Variants in MAD1L1 observed in about 807,000 individuals in gnomAD.
MAD1L1 encodes the protein mitotic arrest deficient 1 like 1, also known as mitotic spindle assembly checkpoint protein MAD1.
A neutral mutation model predicts 96.9 loss-of-function variants in MAD1L1; 95 were observed. That is an observed-to-expected ratio of 0.98 (90% CI 0.83 to 1.16). The LOEUF is 1.16. Ranked by LOEUF, MAD1L1 falls within the 50% of genes most tolerant of loss-of-function variation. The probability of loss-of-function intolerance (pLI) is 0.00; values close to 1 mark genes in which losing one functional copy is unlikely to be tolerated. For synonymous variants in MAD1L1, 473 were observed against 396.6 expected (o/e 1.19, Z -2.29); for missense variants, 1,007 against 954.4 (o/e 1.06, Z -0.73).
intron 11 of MAD1L1, among the ~76,000 whole-genome samples, chr7:2,085,747 T>A (rs574440900): frequency 1.2e-4 from 18 of 152,340 alleles, no homozygotes; most frequent in Admixed American, 7.2e-4. Flanking sequence ...TGGCCCCATC[T>A]CTTGGCTACT....
At chr7:2,096,133 C>T (rs1234135163) in intron 11 of MAD1L1, among the ~76,000 whole-genome samples, 3 of 152,346 alleles carry the variant, frequency 2.0e-5, no homozygotes, top group East Asian at 3.9e-4. Flanking sequence ...GAGCACACGA[C>T]GCCACACAGG....
Position 2,156,155 on chromosome 7 carries a change from AG to A in MAD1L1, c.987-6918del. 2.1e-5 allele frequency among the ~76,000 whole-genome samples: 3 copies of A among 146,302 alleles called. No homozygotes were observed. In the South Asian group the frequency reaches 6.4e-4, roughly 31 times the overall value. On this transcript the variant is annotated intron_variant, in intron 10 of 18. Coordinates refer to ENST00000265854, the MANE Select transcript of MAD1L1 (RefSeq NM_001013836.2). ...GCACGGTTTCACGGCGGGTGTGGCGAGGGGAGCGGGCGCACGGTTTCACGGC... is the reference window on the plus strand; with the variant it reads ...GCACGGTTTCACGGCGGGTGTGGCGAGGGAGCGGGCGCACGGTTTCACGGC...
intron 18 of MAD1L1, among the ~76,000 whole-genome samples, chr7:1,835,251 G>A (rs956115746): frequency 6.6e-6 from 1 of 152,180 alleles, no homozygotes; most frequent in East Asian, 1.9e-4. Context: ...CCTCAGATCT[G>A]AAACAGGACA....
chr7:1,816,079 G>A lies in MAD1L1; in HGVS notation c.2148C>T (p.Thr716=), dbSNP rs774776172. 8.7e-5 allele frequency: 140 copies of A among 1,610,280 alleles called. No homozygotes were observed. Among genetic ancestry groups the A allele is most frequent in the Non-Finnish European group, 1.1e-4 (131 of 1,178,542 alleles). ...SLTLELFSRQ[T]VA is the part of the protein sequence containing the mutation. Reference sequence around the variant, plus strand: ...CCCCCGAGCCTGCAGGCTACGCCACGGTCTGGCGGCTGAAGAGCTCGAGGG... The same window carrying A: ...CCCCCGAGCCTGCAGGCTACGCCACAGTCTGGCGGCTGAAGAGCTCGAGGG... The change falls in exon 19 of 19, where the codon ACC becomes ACT. Residue 716 remains threonine, a synonymous_variant. Coordinates refer to ENST00000265854, the MANE Select transcript of MAD1L1 (RefSeq NM_001013836.2).
intron 17 of MAD1L1, among the ~76,000 whole-genome samples, chr7:1,935,431 A>C: frequency 6.6e-6 from 1 of 151,884 alleles, no homozygotes; most frequent in African/African-American, 2.4e-5. Flanking sequence ...ACCCCACCAT[A>C]CTACTCCAGG....
chr7:1,821,477 C>G (rs187687721), intron 18 of MAD1L1, among the ~76,000 whole-genome samples: 2 of 152,046 alleles, frequency 1.3e-5, no homozygotes, highest in African/African-American at 2.4e-5. Context: ...AAGGATGGTG[C>G]GCACACAAAG....
At chr7:1,883,665 C>G (rs936788060) in intron 18 of MAD1L1, among the ~76,000 whole-genome samples, 1 of 152,226 alleles carries the variant, frequency 6.6e-6, no homozygotes, top group Non-Finnish European at 1.5e-5. Context: ...AAAGAGGGTA[C>G]CGTGGCTGGG....
chr7:2,230,201 T>C (rs1455499821), intron 2 of MAD1L1, 58 bp from the exon 3 acceptor site: 3 of 1,450,614 alleles, frequency 2.1e-6, no homozygotes, highest in Non-Finnish European at 2.8e-6. Flanking sequence ...CCATCAGCCG[T>C]GCAGTCAGCA....
intron 18 of MAD1L1, among the ~76,000 whole-genome samples, chr7:1,852,952 C>G (rs1230081176): frequency 1.3e-5 from 2 of 152,222 alleles, no homozygotes; most frequent in Non-Finnish European, 2.9e-5. Flanking sequence ...ACGTGCTCCT[C>G]TAGCACGCAC....
chr7:2,229,577 G>C (rs1225333716), intron 3 of MAD1L1, among the ~76,000 whole-genome samples: 1 of 152,204 alleles, frequency 6.6e-6, no homozygotes, highest in Non-Finnish European at 1.5e-5. Flanking sequence ...TTTGTCTCTG[G>C]GCTGCCCAGG....
At chr7:2,075,990 G>T (rs568694378) in intron 11 of MAD1L1, among the ~76,000 whole-genome samples, 1 of 152,222 alleles carries the variant, frequency 6.6e-6, no homozygotes, top group Non-Finnish European at 1.5e-5. Context: ...TGGCCACCGC[G>T]GGAGACAGGC....
intron 11 of MAD1L1, among the ~76,000 whole-genome samples, chr7:2,093,019 C>G (rs894941477): frequency 2.0e-5 from 3 of 151,348 alleles, no homozygotes; most frequent in Non-Finnish European, 4.4e-5. Flanking sequence ...GGGTGGATCA[C>G]GAGGTCAGGA....
intron 18 of MAD1L1, among the ~76,000 whole-genome samples, chr7:1,842,528 G>C (rs1783327022): frequency 6.6e-6 from 1 of 152,274 alleles, no homozygotes; most frequent in African/African-American, 2.4e-5. Context: ...CTGCCACAAT[G>C]CCGCGTGCTC....
At chr7:1,916,944 G>A (rs532770272) in intron 17 of MAD1L1, among the ~76,000 whole-genome samples, 1 of 152,296 alleles carries the variant, frequency 6.6e-6, no homozygotes, top group African/African-American at 2.4e-5. Flanking sequence ...CCATGCCAAC[G>A]AGAACCGAGG....
chr7:2,139,986 A>ACCC (rs1562723081), intron 11 of MAD1L1, among the ~76,000 whole-genome samples: 1 of 138,928 alleles, frequency 7.2e-6, no homozygotes, highest in Non-Finnish European at 1.5e-5. Flanking sequence ...TACTATCTGG[A>ACCC]CCCCGCCCCC....
At position 1,901,702 on chromosome 7, in the gene MAD1L1, C is replaced by T. The variant is rs930219833; in HGVS notation, c.1808-3312G>A. On this transcript the variant is annotated intron_variant, in intron 17 of 18. Transcript: ENST00000265854. ...CTCACCAAGGCTTTTAGGCCCTCTC[C>T]GCTGACCTCCAGGGCTACCCCAGGC... Among the ~76,000 whole-genome samples, 74 of 152,314 alleles carry T rather than the reference C, an allele frequency of 4.9e-4. 1 individual carries two copies. Among genetic ancestry groups the T allele is most frequent in the Admixed American group, 4.1e-3 (63 of 15,310 alleles).
At chr7:1,908,126 A>C (rs1169054828) in intron 17 of MAD1L1, among the ~76,000 whole-genome samples, 1 of 152,176 alleles carries the variant, frequency 6.6e-6, no homozygotes, top group East Asian at 1.9e-4. Context: ...CCCAGCTCAA[A>C]GGTTGGGATT....
intron 18 of MAD1L1, among the ~76,000 whole-genome samples, chr7:1,819,822 G>A (rs1782032994): frequency 6.6e-6 from 1 of 152,092 alleles, no homozygotes; most frequent in African/African-American, 2.4e-5. Flanking sequence ...GTGGGGCTCG[G>A]AGGCCAAGGG....
At chr7:2,002,598 G>A (rs1010231472) in intron 13 of MAD1L1, among the ~76,000 whole-genome samples, 2 of 152,208 alleles carry the variant, frequency 1.3e-5, no homozygotes, top group African/African-American at 2.4e-5. Context: ...CCTCCACCAC[G>A]GCCACCCCCA....
Sources: allele counts gnomAD v4.1 joint callset (sites outside exome capture counted in the v4.1 genomes callset), GRCh38; gene constraint gnomAD v4.1.1; transcripts MANE v1.5; gene names NCBI Gene and HGNC (gene_info 2026-07-23, HGNC 2026-07-21).